Variants in NTAQ1 observed in about 807,000 individuals in gnomAD.
The protein encoded by NTAQ1 is N-terminal glutamine amidase 1.
A neutral mutation model predicts 28.2 loss-of-function variants in NTAQ1; 21 were observed. The observed-to-expected ratio is 0.74, with a 90% CI of 0.53 to 1.07. NTAQ1 has a LOEUF of 1.07. NTAQ1 is among the 50% of genes least tolerant of loss of function. The pLI, the probability that NTAQ1 is intolerant of heterozygous loss-of-function variation, is 0.00. For missense variants in NTAQ1, 264 were observed against 256.6 expected, an observed-to-expected ratio of 1.03 and a Z score of -0.20; for synonymous variants, 105 against 90.0, an observed-to-expected ratio of 1.17 and a Z score of -0.94.
intron 1 of NTAQ1, among the ~76,000 whole-genome samples, chr8:123,420,672 A>G (rs1813626543): frequency 1.4e-5 from 2 of 144,910 alleles, no homozygotes; most frequent in African/African-American, 5.1e-5. Flanking sequence ...GACTCACTGC[A>G]ACCTCAACTT....
At chr8:123,434,849 G>C (rs533102814) in intron 3 of NTAQ1, among the ~76,000 whole-genome samples, 2 of 152,244 alleles carry the variant, frequency 1.3e-5, no homozygotes, top group East Asian at 1.9e-4. Context: ...GTGGTGGACT[G>C]TTTGGGGGCG....
In NTAQ1 at chr8:123,430,313, T is replaced by C. The variant is rs139860144; in HGVS notation, c.234+280T>C. Among the ~76,000 whole-genome samples the C allele has an allele frequency of 9.8e-5, 15 of 152,332 alleles. No individual in the cohort carries two copies. The East Asian group carries it at 2.9e-3, about 29-fold the overall frequency. On this transcript the variant is annotated intron_variant, in intron 3 of 5. Transcript: ENST00000287387. ...TACCATTTAGCACAGGAAGGAACTT[T>C]GGCTACACATTAGAATTATCTGGAG...
At chr8:123,448,139 C>T (rs938756150), downstream of NTAQ1, 7 of 152,156 alleles carry the variant, frequency 4.6e-5, no homozygotes, top group African/African-American at 9.7e-5. Flanking sequence ...TCTATGGAGC[C>T]GAGTTGCATG....
chr8:123,420,609 T>TTTTA (rs1813621564), intron 1 of NTAQ1, among the ~76,000 whole-genome samples: 1 of 143,894 alleles, frequency 6.9e-6, no homozygotes, highest in East Asian at 2.0e-4. Flanking sequence ...TTTTTTTTTT[T>TTTTA]GAGACAGGGT....
At chr8:123,438,448 G>A (rs148464665) in intron 5 of NTAQ1, among the ~76,000 whole-genome samples, 3,828 of 152,192 alleles carry the variant, frequency 0.025, 147 homozygotes, top group African/African-American at 0.085. Flanking sequence ...CTGAGGTCAG[G>A]AGTTCGAGAC....
chr8:123,429,712 AAAAAAT>A (rs1457615684), intron 2 of NTAQ1, among the ~76,000 whole-genome samples: 2 of 151,938 alleles, frequency 1.3e-5, no homozygotes, highest in African/African-American at 2.4e-5. Context: ...ACCCTTCATC[AAAAAAT>A]AAAAATAAAA....
Position 123,436,581 on chromosome 8 carries a change from C to A in NTAQ1, c.363C>A (p.Asp121Glu). The A allele has an allele frequency of 6.2e-7, 1 of 1,613,900 alleles. No homozygotes were observed. Among genetic ancestry groups the A allele is most frequent in the South Asian group, 1.1e-5 (1 of 91,044 alleles). Residue 121 changes from aspartate (D) to glutamate (E), a missense_variant, in exon 4 of 6, where the codon GAC becomes GAA. Transcript: ENST00000287387. ...AAGATGCCTTTAAGTCTGATGATGA[C>A]ATTCACCCACAGTTTAGGAGGTGAG... Reference protein sequence around the residue: ...YVEDAFKSDDDIHPQFRRKFR... With the variant: ...YVEDAFKSDDEIHPQFRRKFR...
At chr8:123,441,043 G>A (rs1375750086) in intron 5 of NTAQ1, among the ~76,000 whole-genome samples, 1 of 152,034 alleles carries the variant, frequency 6.6e-6, no homozygotes, top group Non-Finnish European at 1.5e-5. Context: ...AAAGACTCGG[G>A]GGTCCCCTCT....
intron 1 of NTAQ1, among the ~76,000 whole-genome samples, chr8:123,424,229 C>T (rs1278728672): frequency 6.7e-6 from 1 of 149,060 alleles, no homozygotes; most frequent in Non-Finnish European, 1.5e-5. Context: ...TGTGCCACCA[C>T]GCCTAGCTAA....
At chr8:123,454,191 C>T (rs1456131310) in intron 6 of NTAQ1, among the ~76,000 whole-genome samples, 3 of 152,164 alleles carry the variant, frequency 2.0e-5, no homozygotes, top group Non-Finnish European at 1.5e-5. Flanking sequence ...TAGTAAGCAT[C>T]CCAGTCAGGT....
In NTAQ1 at chr8:123,436,731, A is replaced by G. The variant is rs534762538; in HGVS notation, c.383+130A>G. ...GACATCACCATTGAGTTGATGTTTA[A>G]GAATGATGTATTTGCAACACAGGAG... On this transcript the variant is annotated intron_variant, in intron 4 of 5. Coordinates refer to ENST00000287387, the MANE Select transcript of NTAQ1 (RefSeq NM_018024.3). 352 of 973,808 alleles carry G rather than the reference A, an allele frequency of 3.6e-4. 4 individuals are homozygous for G. Among genetic ancestry groups the G allele is most frequent in the Middle Eastern group, 2.4e-3 (10 of 4,218 alleles). 60.3% of individuals were successfully genotyped at this position (973,808 alleles called of 1,614,324 possible). A position where few individuals can be genotyped will look rare whatever the true frequency, so the allele number is the denominator to read the frequency against.
intron 6 of NTAQ1, among the ~76,000 whole-genome samples, chr8:123,457,760 G>A (rs1444754444): frequency 3.3e-5 from 5 of 152,002 alleles, no homozygotes; most frequent in Admixed American, 1.3e-4. Context: ...TTGACTGGGC[G>A]CAGTGGCTCA....
intron 3 of NTAQ1, chr8:123,435,637 CG>C: frequency 1.6e-6 from 1 of 621,064 alleles, no homozygotes; most frequent in Non-Finnish European, 2.0e-6. Flanking sequence ...GAGGCTGAGG[CG>C]GGGGGATCAC....
intron 5 of NTAQ1, among the ~76,000 whole-genome samples, chr8:123,440,679 T>G (rs553852795): frequency 3.3e-5 from 5 of 152,014 alleles, no homozygotes; most frequent in African/African-American, 1.2e-4. Flanking sequence ...TTTGTATTTT[T>G]AGTAGAGATG....
intron 1 of NTAQ1, among the ~76,000 whole-genome samples, chr8:123,420,504 A>G (rs1813611966): frequency 6.6e-6 from 1 of 151,744 alleles, no homozygotes; most frequent in Non-Finnish European, 1.5e-5. Flanking sequence ...TGCTTTCCAC[A>G]GTGGCTTAAC....
intron 1 of NTAQ1, among the ~76,000 whole-genome samples, chr8:123,421,247 A>G (rs1813671209): frequency 6.6e-6 from 1 of 151,816 alleles, no homozygotes; most frequent in South Asian, 2.1e-4. Context: ...TGCCCAGCTA[A>G]TTTTTATATT....
At chr8:123,471,391 G>C (rs771168855), downstream of NTAQ1, among the ~76,000 whole-genome samples, 1 of 152,158 alleles carries the variant, frequency 6.6e-6, no homozygotes, top group Non-Finnish European at 1.5e-5. Flanking sequence ...TGTAGTCAGG[G>C]TTCTCCAGAG....
chr8:123,439,209 A>C (rs1296936254), intron 5 of NTAQ1, among the ~76,000 whole-genome samples: 2 of 148,072 alleles, frequency 1.4e-5, no homozygotes, highest in African/African-American at 2.5e-5. Flanking sequence ...TTTTGTTGAG[A>C]CTCTTGTTGC....
downstream of NTAQ1, among the ~76,000 whole-genome samples, chr8:123,445,806 A>G (rs955690308): frequency 1.3e-5 from 2 of 151,608 alleles, no homozygotes; most frequent in Non-Finnish European, 2.9e-5. Flanking sequence ...GGGTTTCACC[A>G]TGTTGGCCAG....
Sources: allele counts gnomAD v4.1 joint callset (sites outside exome capture counted in the v4.1 genomes callset), GRCh38; gene constraint gnomAD v4.1.1; transcripts MANE v1.5; gene names NCBI Gene and HGNC (gene_info 2026-07-23, HGNC 2026-07-21).